Variants in HS6ST2 observed in about 807,000 individuals in gnomAD.
HS6ST2 encodes heparan-sulfate 6-O-sulfotransferase 2.
HS6ST2 carries 17 observed loss-of-function variants against 33.0 expected under a neutral mutation model. That is an observed-to-expected ratio of 0.52 (90% CI 0.35 to 0.77). The LOEUF (loss-of-function observed/expected upper bound fraction) is 0.77. HS6ST2 is among the 30% of genes least tolerant of loss of function. The pLI is 0.01. For missense variants in HS6ST2, 519 were observed against 551.7 expected (o/e 0.94, Z 0.59); for synonymous variants, 248 against 237.1 (o/e 1.05, Z -0.42).
Position 132,627,616 on chromosome X carries a change from T to C in HS6ST2, c.*607A>G, listed in dbSNP as rs1471799085. On this transcript the variant is annotated 3_prime_UTR_variant, in exon 5 of 5. Coordinates refer to ENST00000370833, the MANE Select transcript of HS6ST2 (RefSeq NM_001394073.1). ...CTCTTAAATATCAAGATATGAGTCC[T>C]GTTCTTGAAAAGCCAATATTTTGAC... 2 of 112,646 alleles carry C rather than the reference T, an allele frequency of 1.8e-5. No individual in the cohort carries two copies. Among genetic ancestry groups the C allele is most frequent in the Non-Finnish European group, 3.8e-5 (2 of 53,272 alleles). 9.3% of individuals were successfully genotyped at this position (112,646 alleles called of 1,213,427 possible).
intron 2 of HS6ST2, among the ~76,000 whole-genome samples, chrX:132,926,140 C>T (rs1454157143): frequency 8.9e-6 from 1 of 112,809 alleles, no homozygotes; most frequent in African/African-American, 3.2e-5. Context: ...AATTGTCACT[C>T]TCACTTCTCC....
intron 2 of HS6ST2, among the ~76,000 whole-genome samples, chrX:132,931,152 G>A (rs1391675249): frequency 2.7e-5 from 3 of 111,604 alleles, no homozygotes; most frequent in Non-Finnish European, 5.6e-5. Flanking sequence ...TAGAAAGAGG[G>A]AGAGTCTGTA....
At chrX:132,726,137 T>C (rs1393533654) in intron 2 of HS6ST2, among the ~76,000 whole-genome samples, 1 of 85,642 alleles carries the variant, frequency 1.2e-5, no homozygotes, top group East Asian at 3.5e-4. Flanking sequence ...AATAATTTAA[T>C]TGTACCCTTT....
At chrX:132,684,186 T>C (rs934918169) in intron 3 of HS6ST2, among the ~76,000 whole-genome samples, 15 of 105,416 alleles carry the variant, frequency 1.4e-4, no homozygotes, top group Admixed American at 1.1e-4. Flanking sequence ...TTACAGGATA[T>C]GTAGGAGCAG....
intron 3 of HS6ST2, among the ~76,000 whole-genome samples, chrX:132,687,781 C>T (rs1325373605): frequency 9.1e-6 from 1 of 110,247 alleles, no homozygotes; most frequent in Non-Finnish European, 1.9e-5. Flanking sequence ...CAAAGTCTTG[C>T]TCTTGTCCCC....
intron 2 of HS6ST2, among the ~76,000 whole-genome samples, chrX:132,761,919 A>T (rs911840368): frequency 1.5e-4 from 17 of 112,194 alleles, no homozygotes; most frequent in African/African-American, 5.2e-4. Flanking sequence ...CTTCATCTGT[A>T]CAATGGGGGT....
chrX:132,879,210 C>T (rs1406271905), intron 2 of HS6ST2, among the ~76,000 whole-genome samples: 4 of 111,609 alleles, frequency 3.6e-5, no homozygotes, highest in Non-Finnish European at 7.5e-5. Context: ...TACAAAGTAG[C>T]TGATACTACA....
chrX:132,717,702 G>A (rs1411862735), intron 2 of HS6ST2, among the ~76,000 whole-genome samples: 1 of 112,020 alleles, frequency 8.9e-6, no homozygotes, highest in Non-Finnish European at 1.9e-5. Context: ...TGAGACCCGT[G>A]GCTAAAGGAT....
At chrX:132,838,232 C>T (rs1365060929) in intron 2 of HS6ST2, among the ~76,000 whole-genome samples, 1 of 112,048 alleles carries the variant, frequency 8.9e-6, no homozygotes, top group Non-Finnish European at 1.9e-5. Context: ...AACATATCTG[C>T]CCTGCCCTCT....
At chrX:132,798,008 G>C (rs1221726479) in intron 2 of HS6ST2, among the ~76,000 whole-genome samples, 1 of 52,089 alleles carries the variant, frequency 1.9e-5, no homozygotes, top group African/African-American at 1.4e-4. Flanking sequence ...ATGAGACTTT[G>C]TCTCAAAAAA....
At chrX:132,797,614 G>A (rs1032439561) in intron 2 of HS6ST2, among the ~76,000 whole-genome samples, 2 of 111,979 alleles carry the variant, frequency 1.8e-5, no homozygotes, top group African/African-American at 6.5e-5. Context: ...ATTAGGAGAA[G>A]GAGGAGATGG....
At chrX:132,682,639 T>C (rs1281370525) in intron 3 of HS6ST2, among the ~76,000 whole-genome samples, 5 of 96,277 alleles carry the variant, frequency 5.2e-5, no homozygotes, top group Non-Finnish European at 1.0e-4. Flanking sequence ...TGACGTTTAC[T>C]TTTTTTTTTT....
chrX:132,677,366 T>C (rs1012944137), intron 3 of HS6ST2, among the ~76,000 whole-genome samples: 1 of 112,314 alleles, frequency 8.9e-6, no homozygotes, highest in Non-Finnish European at 1.9e-5. Context: ...TTTCACTTTC[T>C]ACTTAATATG....
chrX:132,914,343 A>G (rs1028319553), intron 2 of HS6ST2, among the ~76,000 whole-genome samples: 2 of 111,588 alleles, frequency 1.8e-5, no homozygotes, highest in African/African-American at 6.5e-5. Flanking sequence ...CACCTCCATA[A>G]TCTCCCTGTG....
At chrX:132,676,302 C>T (rs922067104) in intron 3 of HS6ST2, among the ~76,000 whole-genome samples, 3 of 111,935 alleles carry the variant, frequency 2.7e-5, no homozygotes, top group Non-Finnish European at 5.6e-5. Flanking sequence ...ACAAGGTTCC[C>T]GCCGGCAGGT....
chrX:132,770,123 AGT>A (rs898296966), intron 2 of HS6ST2, among the ~76,000 whole-genome samples: 17 of 111,878 alleles, frequency 1.5e-4, no homozygotes, highest in Non-Finnish European at 3.0e-4. Context: ...GTGCTGCTAT[AGT>A]GTTATGTGCC....
chrX:132,883,484 C>G (rs1461994173), intron 2 of HS6ST2, among the ~76,000 whole-genome samples: 3 of 110,800 alleles, frequency 2.7e-5, no homozygotes. Context: ...TCTCCTTTAC[C>G]ATTTTTTATT....
chrX:132,805,322 C>T (rs1357624273), intron 2 of HS6ST2, among the ~76,000 whole-genome samples: 1 of 111,574 alleles, frequency 9.0e-6, no homozygotes, highest in Non-Finnish European at 1.9e-5. Flanking sequence ...TAAGACCAGT[C>T]CCTTAAGTGT....
At chrX:132,817,506 T>C (rs947285888) in intron 2 of HS6ST2, among the ~76,000 whole-genome samples, 1 of 111,337 alleles carries the variant, frequency 9.0e-6, no homozygotes, top group Non-Finnish European at 1.9e-5. Context: ...CATTTGTCTT[T>C]AGAAACTCTA....
Sources: allele counts gnomAD v4.1 joint callset (sites outside exome capture counted in the v4.1 genomes callset), GRCh38; gene constraint gnomAD v4.1.1; transcripts MANE v1.5; gene names NCBI Gene and HGNC (gene_info 2026-07-23, HGNC 2026-07-21).